The following THSD7B variants were observed in gnomAD, a reference collection of about 807,000 sequenced individuals.
THSD7B encodes thrombospondin type 1 domain containing 7B.
THSD7B carries 138 observed loss-of-function variants against 213.6 expected under a neutral mutation model. That is an observed-to-expected ratio of 0.65 (90% CI 0.56 to 0.74). THSD7B has a LOEUF of 0.74. THSD7B is among the 30% of genes least tolerant of loss of function. THSD7B has a pLI of 0.00. For missense variants in THSD7B, 1,931 were observed against 1,991.5 expected, an observed-to-expected ratio of 0.97 and a Z score of 0.58; for synonymous variants, 742 against 687.0, an observed-to-expected ratio of 1.08 and a Z score of -1.25.
intron 12 of THSD7B, among the ~76,000 whole-genome samples, chr2:137,387,242 G>A (rs1685917207): frequency 6.6e-6 from 1 of 152,204 alleles, no homozygotes. Context: ...ACACCCACTT[G>A]CCAGGTGACT....
At chr2:136,912,116 C>A (rs2105024472) in intron 2 of THSD7B, among the ~76,000 whole-genome samples, 1 of 151,960 alleles carries the variant, frequency 6.6e-6, no homozygotes, top group Admixed American at 6.6e-5. Context: ...AGTTCTAGAC[C>A]AGCCTGGGCA....
intron 5 of THSD7B, among the ~76,000 whole-genome samples, chr2:137,149,968 G>A (rs1679782362): frequency 6.6e-6 from 1 of 152,162 alleles, no homozygotes; most frequent in Non-Finnish European, 1.5e-5. Flanking sequence ...ATGGCTTGGT[G>A]CAGTGGCTCA....
rs566008264 is a variant in THSD7B, at chr2:137,470,622, C to T, written c.3138+19599C>T. Among the ~76,000 whole-genome samples, 7 of 152,304 alleles carry T rather than the reference C, an allele frequency of 4.6e-5. No individual in the cohort carries two copies. In the South Asian group the frequency reaches 8.3e-4, roughly 18 times the overall value. Reference sequence around the variant, plus strand: ...TTGCAAATTTTCTTCAAGCCCAAACCGTTGTAAGCTAGTGGGCCTCTGGCC... The same window carrying T: ...TTGCAAATTTTCTTCAAGCCCAAACTGTTGTAAGCTAGTGGGCCTCTGGCC... On this transcript the variant is annotated intron_variant, in intron 15 of 27. Coordinates refer to ENST00000409968, the MANE Select transcript of THSD7B (RefSeq NM_001316349.2).
chr2:137,068,270 C>A (rs1281811743), intron 3 of THSD7B, among the ~76,000 whole-genome samples: 1 of 152,042 alleles, frequency 6.6e-6, no homozygotes, highest in Non-Finnish European at 1.5e-5. Flanking sequence ...CTTCTGAGTT[C>A]TAGACAGCGT....
intron 7 of THSD7B, among the ~76,000 whole-genome samples, chr2:137,204,307 G>A (rs1680939073): frequency 6.6e-6 from 1 of 152,154 alleles, no homozygotes; most frequent in Admixed American, 6.6e-5. Flanking sequence ...CAAAATTGGG[G>A]TTTTCCCTTA....
At chr2:137,042,169 G>A (rs987288723) in intron 2 of THSD7B, among the ~76,000 whole-genome samples, 4 of 151,434 alleles carry the variant, frequency 2.6e-5, no homozygotes, top group African/African-American at 9.7e-5. Flanking sequence ...TTTTACTGAT[G>A]TGTTCATTGT....
At chr2:137,252,854 C>T (rs1040970698) in intron 10 of THSD7B, among the ~76,000 whole-genome samples, 1 of 150,358 alleles carries the variant, frequency 6.7e-6, no homozygotes. Context: ...CCACCAGTTA[C>T]ACTCTGGGTG....
chr2:136,778,790 T>G (rs1470120067), intron 1 of THSD7B, among the ~76,000 whole-genome samples: 1 of 152,174 alleles, frequency 6.6e-6, no homozygotes, highest in African/African-American at 2.4e-5. Context: ...AGGTCAGTCT[T>G]TTTAAAAGAG....
rs1682547762 is a variant in THSD7B, at chr2:137,264,885, G to A, written c.2267-7648G>A. On this transcript the variant is annotated intron_variant, in intron 10 of 27. Transcript: ENST00000409968. ...GTACATGTGCACAATGTGCAGGTTA[G>A]TTACATATGCATACATGTGCCATGC... Among the ~76,000 whole-genome samples, 6 of 151,434 alleles carry A rather than the reference G, an allele frequency of 4.0e-5. No individual in the cohort carries two copies. In the South Asian group the frequency reaches 1.2e-3, roughly 32 times the overall value.
At chr2:137,229,876 G>A (rs960093957) in intron 7 of THSD7B, among the ~76,000 whole-genome samples, 23 of 152,116 alleles carry the variant, frequency 1.5e-4, no homozygotes, top group African/African-American at 2.2e-4. Context: ...AGTGCCTGGC[G>A]CAAGGAGATG....
chr2:137,184,838 T>C (rs1680521017), intron 7 of THSD7B, among the ~76,000 whole-genome samples: 1 of 152,150 alleles, frequency 6.6e-6, no homozygotes. Flanking sequence ...CCAAAACTAA[T>C]TTGAAATTTG....
intron 15 of THSD7B, among the ~76,000 whole-genome samples, chr2:137,516,466 T>C (rs931478660): frequency 2.0e-5 from 3 of 152,226 alleles, no homozygotes; most frequent in Non-Finnish European, 4.4e-5. Flanking sequence ...TCCAGCCTTT[T>C]ACCAGGGTAA....
At chr2:137,511,381 C>G (rs1679957764) in intron 15 of THSD7B, among the ~76,000 whole-genome samples, 1 of 152,154 alleles carries the variant, frequency 6.6e-6, no homozygotes, top group Admixed American at 6.5e-5. Context: ...TTGTGAGAAA[C>G]TAGACAATGG....
chr2:137,109,163 A>G (rs1452761176), intron 4 of THSD7B, among the ~76,000 whole-genome samples: 10 of 152,286 alleles, frequency 6.6e-5, no homozygotes, highest in African/African-American at 2.4e-4. Flanking sequence ...CTTTAAATGT[A>G]TAATTTCTTC....
chr2:137,480,414 A>C (rs1359209211), intron 15 of THSD7B, among the ~76,000 whole-genome samples: 1 of 152,190 alleles, frequency 6.6e-6, no homozygotes, highest in Non-Finnish European at 1.5e-5. Flanking sequence ...GTTTTGAAAA[A>C]CTCATTTTGA....
intron 20 of THSD7B, among the ~76,000 whole-genome samples, chr2:137,641,478 A>G (rs1238598844): frequency 6.6e-6 from 1 of 152,246 alleles, no homozygotes; most frequent in Non-Finnish European, 1.5e-5. Flanking sequence ...ATACAATTAC[A>G]TAATTAACTT....
chr2:136,986,205 T>C (rs570318631), intron 2 of THSD7B, among the ~76,000 whole-genome samples: 3 of 152,266 alleles, frequency 2.0e-5, no homozygotes, highest in Admixed American at 6.5e-5. Context: ...GGGGGACTAT[T>C]ACTAAGGCAT....
chr2:137,331,818 G>A (rs563373935), intron 12 of THSD7B, among the ~76,000 whole-genome samples: 132 of 152,294 alleles, frequency 8.7e-4, no homozygotes, highest in Admixed American at 3.6e-3. Context: ...ACTGCTGGGG[G>A]ACCCAGTACA....
At chr2:137,166,657 TAAAC>T (rs1680136692) in intron 6 of THSD7B, among the ~76,000 whole-genome samples, 3 of 152,190 alleles carry the variant, frequency 2.0e-5, no homozygotes, top group Admixed American at 2.0e-4. Context: ...TTTATGCTCT[TAAAC>T]AAATTAGATA....
Sources: allele counts gnomAD v4.1 joint callset (sites outside exome capture counted in the v4.1 genomes callset), GRCh38; gene constraint gnomAD v4.1.1; transcripts MANE v1.5; gene names NCBI Gene and HGNC (gene_info 2026-07-23, HGNC 2026-07-21).